Variants in HERC3 observed in about 807,000 individuals in gnomAD.
HERC3 encodes probable E3 ubiquitin-protein ligase HERC3.
Under a neutral mutation model 129.9 loss-of-function variants are expected in HERC3, and 58 were observed. The ratio of observed to expected loss-of-function variants is 0.45; its 90% confidence interval spans 0.36 to 0.56. The LOEUF is 0.56. Ranked by LOEUF, HERC3 falls within the 20% of genes least tolerant of loss-of-function variation. HERC3 has a pLI of 0.00. For synonymous variants in HERC3, 430 were observed against 451.0 expected (o/e 0.95, Z 0.59); for missense variants, 835 against 1,244.2 (o/e 0.67, Z 4.95).
At chr4:88,543,358 C>A in the HERC3 span, among the ~76,000 whole-genome samples, 1 of 152,096 alleles carries the variant, frequency 6.6e-6, no homozygotes, top group Non-Finnish European at 1.5e-5. Context: ...AATAAAATAC[C>A]TCGGAATCAA....
intron 3 of HERC3, among the ~76,000 whole-genome samples, chr4:88,649,124 TAA>T (rs1729002333): frequency 6.6e-6 from 1 of 152,206 alleles, no homozygotes; most frequent in African/African-American, 2.4e-5. Context: ...CTTTCATGTT[TAA>T]GTTTTCCTCA....
intron 2 of HERC3, among the ~76,000 whole-genome samples, chr4:88,599,765 G>T (rs570042428): frequency 1.2e-4 from 19 of 152,356 alleles, no homozygotes; most frequent in African/African-American, 4.6e-4. Context: ...TGCTAAGCAA[G>T]GCAATTGGTT....
At chr4:88,596,117 A>G (rs749157999) in intron 2 of HERC3, among the ~76,000 whole-genome samples, 6 of 151,998 alleles carry the variant, frequency 3.9e-5, no homozygotes, top group Admixed American at 2.0e-4. Context: ...CCAAAGTGTT[A>G]GGATTACAGG....
At chr4:88,606,700 A>G (rs534533760) in intron 3 of HERC3, among the ~76,000 whole-genome samples, 1 of 152,276 alleles carries the variant, frequency 6.6e-6, no homozygotes, top group South Asian at 2.1e-4. Flanking sequence ...GGAGACTCCC[A>G]TTTTTAAAAC....
At chr4:88,689,606 C>T (rs1398023784) in intron 23 of HERC3, among the ~76,000 whole-genome samples, 1 of 145,790 alleles carries the variant, frequency 6.9e-6, no homozygotes, top group Non-Finnish European at 1.5e-5. Context: ...GAGACAGAGT[C>T]TCACTCTGTC....
intron 23 of HERC3, among the ~76,000 whole-genome samples, chr4:88,688,198 A>G (rs1733684349): frequency 6.6e-6 from 1 of 152,226 alleles, no homozygotes; most frequent in Non-Finnish European, 1.5e-5. Context: ...TTTAGGCACC[A>G]GATGAGTTGG....
At chr4:88,569,518 A>C in the HERC3 span, among the ~76,000 whole-genome samples, 2 of 152,236 alleles carry the variant, frequency 1.3e-5, no homozygotes, top group African/African-American at 2.4e-5. Flanking sequence ...GAAGATGATC[A>C]CTGGAGGCTT....
At position 88,707,970 on chromosome 4, in the gene HERC3, T is replaced by G. The variant is rs1735906123; in HGVS notation, c.*1010T>G. On this transcript the variant is annotated 3_prime_UTR_variant, in exon 26 of 26. Coordinates refer to ENST00000402738, the MANE Select transcript of HERC3 (RefSeq NM_014606.3). ...TTTATTTTATCCCATTCTCTGTTACTTGACTCAGTGCTCCCTTCCTCTCCT... is the reference window on the plus strand; with the variant it reads ...TTTATTTTATCCCATTCTCTGTTACGTGACTCAGTGCTCCCTTCCTCTCCT... The G allele has an allele frequency of 6.6e-6, 1 of 152,630 alleles. No individual in the cohort carries two copies. The highest frequency in any genetic ancestry group is 1.5e-5 in the Non-Finnish European group (1 of 68,044). 9.5% of individuals were successfully genotyped at this position (152,630 alleles called of 1,614,324 possible).
chr4:88,556,731 G>C, the HERC3 span, among the ~76,000 whole-genome samples: 1 of 151,414 alleles, frequency 6.6e-6, no homozygotes, highest in Non-Finnish European at 1.5e-5. Flanking sequence ...TCTGTTGCCT[G>C]CCTGCCATGA....
the HERC3 span, among the ~76,000 whole-genome samples, chr4:88,561,651 CCT>C: frequency 7.2e-5 from 11 of 152,176 alleles, no homozygotes; most frequent in South Asian, 2.1e-3. Flanking sequence ...CTTCACTTCC[CCT>C]CTTTCCTTAT....
the HERC3 span, among the ~76,000 whole-genome samples, chr4:88,581,672 G>T: frequency 7.2e-5 from 11 of 151,972 alleles, no homozygotes; most frequent in Admixed American, 6.6e-4. Flanking sequence ...CACTGGTCTT[G>T]AACTCCTGGG....
At chr4:88,652,841 G>A (rs780538128) in intron 5 of HERC3, 28 bp from the exon 6 acceptor site, 2 of 1,578,146 alleles carry the variant, frequency 1.3e-6, no homozygotes, top group South Asian at 2.2e-5. Flanking sequence ...ATCATTTTAT[G>A]GTAATACCAG....
chr4:88,636,534 C>G (rs1449567254), intron 3 of HERC3, among the ~76,000 whole-genome samples: 2 of 152,180 alleles, frequency 1.3e-5, no homozygotes, highest in Non-Finnish European at 2.9e-5. Flanking sequence ...TAGACTCCCA[C>G]ACAATAATAG....
chr4:88,687,202 C>A lies in HERC3; in HGVS notation c.2575-15C>A. 1 of 1,588,384 alleles carries A rather than the reference C, an allele frequency of 6.3e-7. No individual in the cohort carries two copies. The highest frequency in any genetic ancestry group is 8.6e-7 in the Non-Finnish European group (1 of 1,161,322). On this transcript the variant is annotated splice_polypyrimidine_tract_variant and intron_variant, in intron 22 of 25. Transcript: ENST00000402738. ...AACAAAATTGAAATATTTCTTTTTTCCACCTTAAATATAGATCTGCCGAGA... is the reference window on the plus strand; with the variant it reads ...AACAAAATTGAAATATTTCTTTTTTACACCTTAAATATAGATCTGCCGAGA...
chr4:88,568,232 C>A, the HERC3 span, among the ~76,000 whole-genome samples: 1 of 152,220 alleles, frequency 6.6e-6, no homozygotes, highest in African/African-American at 2.4e-5. Flanking sequence ...GACCTGAAGC[C>A]AGCACAGCAC....
At chr4:88,602,822 G>T (rs1394882983) in intron 2 of HERC3, among the ~76,000 whole-genome samples, 7 of 152,074 alleles carry the variant, frequency 4.6e-5, no homozygotes, top group Non-Finnish European at 8.8e-5. Flanking sequence ...CAAACCCAAG[G>T]CGATGCTGAT....
intron 3 of HERC3, among the ~76,000 whole-genome samples, chr4:88,615,264 T>A (rs998599617): frequency 1.3e-5 from 2 of 152,270 alleles, no homozygotes; most frequent in South Asian, 4.1e-4. Context: ...CTGGGGTAGG[T>A]AGAATGTTGT....
chr4:88,703,999 A>T, intron 23 of HERC3, 99 bp from the exon 24 acceptor site: 1 of 1,106,720 alleles, frequency 9.0e-7, no homozygotes, highest in South Asian at 1.5e-5. Flanking sequence ...AATTTGATGA[A>T]ATTCTATTTT....
intron 10 of HERC3, among the ~76,000 whole-genome samples, chr4:88,660,758 ATCT>A (rs1397962284): frequency 6.6e-6 from 1 of 152,014 alleles, no homozygotes; most frequent in East Asian, 1.9e-4. Flanking sequence ...CTATCTCATA[ATCT>A]TCTTTTTCCT....
Sources: gnomAD v4.1 joint callset for allele counts (sites outside exome capture counted in the v4.1 genomes callset) on GRCh38, gnomAD v4.1.1 for gene constraint, MANE v1.5 for transcripts, NCBI Gene and HGNC (gene_info 2026-07-23, HGNC 2026-07-21) for gene names.